The following FGF14 variants were observed in gnomAD, a reference collection of about 807,000 sequenced individuals.
FGF14 encodes the protein fibroblast growth factor homologous factor 4.
FGF14 carries 5 observed loss-of-function variants against 25.5 expected under a neutral mutation model. The ratio of observed to expected loss-of-function variants is 0.20; its 90% confidence interval spans 0.10 to 0.41. The LOEUF is 0.41. FGF14 is among the 10% of genes least tolerant of loss of function. The probability of loss-of-function intolerance (pLI) is 1.00; values close to 1 mark genes in which losing one functional copy is unlikely to be tolerated. For missense variants in FGF14, 222 were observed against 320.1 expected (o/e 0.69, Z 2.34); for synonymous variants, 138 against 118.3 (o/e 1.17, Z -1.08).
chr13:101,719,199 TG>T lies in FGF14; in HGVS notation c.*3631del, dbSNP rs2034833494. On this transcript the variant is annotated 3_prime_UTR_variant, in exon 5 of 5. Transcript: ENST00000376143. ...CTAACTTACTTAAAGAATAAGTTTT[TG>T]GTTTTTGCTTTTAAAGACAACCAAA... is the stretch of plus-strand genomic sequence containing the variant. The T allele has an allele frequency of 6.6e-6, 1 of 152,184 alleles. No homozygotes were observed. Among genetic ancestry groups the T allele is most frequent in the African/African-American group, 2.4e-5 (1 of 41,462 alleles). The allele number at this position is 152,184 out of a possible 1,614,324, so 9.4% of individuals were successfully genotyped here.
chr13:101,996,267 G>T (rs1211800916), intron 1 of FGF14, among the ~76,000 whole-genome samples: 1 of 152,192 alleles, frequency 6.6e-6, no homozygotes, highest in African/African-American at 2.4e-5. Flanking sequence ...AGTAGTTTGA[G>T]GCAGATCATG....
intron 1 of FGF14, among the ~76,000 whole-genome samples, chr13:102,160,526 T>C (rs1308697902): frequency 1.3e-5 from 2 of 152,072 alleles, no homozygotes; most frequent in African/African-American, 4.8e-5. Context: ...GAGCAAATCT[T>C]AGCCTTATCT....
intron 1 of FGF14, among the ~76,000 whole-genome samples, chr13:102,251,593 A>G (rs1323307746): frequency 1.3e-5 from 2 of 152,214 alleles, no homozygotes; most frequent in Non-Finnish European, 2.9e-5. Flanking sequence ...GCTAGAGTCC[A>G]GTAGAGATGC....
At chr13:101,958,919 G>A (rs2139442832) in intron 1 of FGF14, among the ~76,000 whole-genome samples, 1 of 152,210 alleles carries the variant, frequency 6.6e-6, no homozygotes, top group East Asian at 1.9e-4. Context: ...CCTCAATGTA[G>A]TCACTCCTCC....
chr13:101,777,622 A>G (rs1450291097), intron 3 of FGF14, among the ~76,000 whole-genome samples: 1 of 152,170 alleles, frequency 6.6e-6, no homozygotes, highest in African/African-American at 2.4e-5. Context: ...TTTCAATTAC[A>G]TTAATTATCT....
At chr13:102,118,912 T>C (rs968487402) in intron 1 of FGF14, among the ~76,000 whole-genome samples, 1 of 152,198 alleles carries the variant, frequency 6.6e-6, no homozygotes, top group Non-Finnish European at 1.5e-5. Context: ...ACAATGATTA[T>C]GCCTTTACCT....
At chr13:101,881,401 CTTAT>C (rs1361995892) in intron 1 of FGF14, among the ~76,000 whole-genome samples, 2 of 152,160 alleles carry the variant, frequency 1.3e-5, no homozygotes, top group African/African-American at 2.4e-5. Flanking sequence ...ATTGTCCCAC[CTTAT>C]TTATTCATCA....
chr13:102,147,145 G>C (rs929925359), intron 1 of FGF14, among the ~76,000 whole-genome samples: 4 of 152,154 alleles, frequency 2.6e-5, no homozygotes, highest in Non-Finnish European at 5.9e-5. Flanking sequence ...AATATTTATT[G>C]AAAATATTTA....
intron 1 of FGF14, among the ~76,000 whole-genome samples, chr13:102,311,815 G>T (rs1289973093): frequency 6.6e-6 from 1 of 152,108 alleles, no homozygotes; most frequent in Non-Finnish European, 1.5e-5. Context: ...AATACAGAAG[G>T]CATAACACAA....
intron 1 of FGF14, among the ~76,000 whole-genome samples, chr13:102,245,845 C>G (rs759267011): frequency 4.6e-5 from 7 of 151,988 alleles, no homozygotes; most frequent in Non-Finnish European, 7.4e-5. Context: ...TATTCAGGAA[C>G]AAATCTGCGT....
At chr13:101,863,380 T>A (rs927365337) in intron 3 of FGF14, among the ~76,000 whole-genome samples, 1 of 152,176 alleles carries the variant, frequency 6.6e-6, no homozygotes, top group Non-Finnish European at 1.5e-5. Context: ...GCAATGGATG[T>A]TGATGGCCAG....
intron 1 of FGF14, among the ~76,000 whole-genome samples, chr13:102,177,964 A>G (rs145727256): frequency 1.8e-3 from 278 of 152,116 alleles, no homozygotes; most frequent in African/African-American, 6.6e-3. Flanking sequence ...CACATAGCAC[A>G]TGTCTCTCTC....
intron 1 of FGF14, among the ~76,000 whole-genome samples, chr13:102,282,037 C>A (rs1296470571): frequency 6.6e-6 from 1 of 151,228 alleles, no homozygotes; most frequent in Non-Finnish European, 1.5e-5. Context: ...CAGAGGCTGA[C>A]CTTGCCGCTT....
At chr13:102,351,454 T>A (rs1471659559) in intron 1 of FGF14, among the ~76,000 whole-genome samples, 1 of 152,230 alleles carries the variant, frequency 6.6e-6, no homozygotes, top group African/African-American at 2.4e-5. Context: ...GTATTTAAAT[T>A]GAATTAAACA....
intron 1 of FGF14, among the ~76,000 whole-genome samples, chr13:102,366,775 C>T (rs758373609): frequency 7.2e-5 from 11 of 152,054 alleles, no homozygotes; most frequent in Non-Finnish European, 1.3e-4. Flanking sequence ...TATCTTAAAA[C>T]AGAAAAATAC....
chr13:102,396,659 A>G (rs909829378), intron 1 of FGF14, among the ~76,000 whole-genome samples: 2 of 152,238 alleles, frequency 1.3e-5, no homozygotes, highest in African/African-American at 4.8e-5. Context: ...CATCATTTGA[A>G]CAAATTTTCT....
At chr13:102,116,941 G>A (rs2045500034) in intron 1 of FGF14, among the ~76,000 whole-genome samples, 1 of 152,144 alleles carries the variant, frequency 6.6e-6, no homozygotes, top group African/African-American at 2.4e-5. Context: ...AGCCCACTTG[G>A]GGTCATGGCC....
At chr13:102,251,082 T>C (rs2052147195) in intron 1 of FGF14, among the ~76,000 whole-genome samples, 1 of 152,222 alleles carries the variant, frequency 6.6e-6, no homozygotes, top group Non-Finnish European at 1.5e-5. Flanking sequence ...TTACACGAAG[T>C]TTTCATTATA....
intron 3 of FGF14, among the ~76,000 whole-genome samples, chr13:101,730,457 A>G (rs1384220991): frequency 6.6e-6 from 1 of 152,242 alleles, no homozygotes; most frequent in Non-Finnish European, 1.5e-5. Context: ...ATAATGTTAC[A>G]AAAATTATTC....
Sources: gnomAD v4.1 joint callset for allele counts (sites outside exome capture counted in the v4.1 genomes callset) on GRCh38, gnomAD v4.1.1 for gene constraint, MANE v1.5 for transcripts, NCBI Gene and HGNC (gene_info 2026-07-23, HGNC 2026-07-21) for gene names.